Variants in LEKR1 observed in about 807,000 individuals in gnomAD.
LEKR1 encodes the protein leucine, glutamate and lysine rich 1, also known as protein LEKR1.
Under a neutral mutation model 72.4 loss-of-function variants are expected in LEKR1, and 59 were observed. The observed-to-expected ratio is 0.82, with a 90% CI of 0.66 to 1.01. LEKR1 has a LOEUF of 1.01. Ranked by LOEUF, LEKR1 falls within the 50% of genes least tolerant of loss-of-function variation. LEKR1 has a pLI of 0.00. For missense variants in LEKR1, 728 were observed against 759.2 expected, an observed-to-expected ratio of 0.96 and a Z score of 0.48; for synonymous variants, 257 against 263.2, an observed-to-expected ratio of 0.98 and a Z score of 0.23.
At chr3:156,968,569 T>C (rs1728846430) in intron 6 of LEKR1, among the ~76,000 whole-genome samples, 1 of 152,136 alleles carries the variant, frequency 6.6e-6, no homozygotes, top group African/African-American at 2.4e-5. Context: ...CAAGAAGAGC[T>C]AACTATCCTA....
At chr3:156,918,357 C>T (rs1723856818) in intron 3 of LEKR1, among the ~76,000 whole-genome samples, 1 of 152,054 alleles carries the variant, frequency 6.6e-6, no homozygotes, top group South Asian at 2.1e-4. Flanking sequence ...TAAGTATGGC[C>T]ATGTATCTAA....
chr3:157,043,548 A>T (rs1232478347), intron 12 of LEKR1, among the ~76,000 whole-genome samples: 1 of 152,160 alleles, frequency 6.6e-6, no homozygotes, highest in African/African-American at 2.4e-5. Flanking sequence ...AGCATGGAGC[A>T]GGTCTCTGAA....
intron 3 of LEKR1, among the ~76,000 whole-genome samples, chr3:156,878,100 C>G (rs1032163625): frequency 6.8e-6 from 1 of 148,146 alleles, no homozygotes; most frequent in African/African-American, 2.5e-5. Context: ...ATCTTTTTTA[C>G]TTTTTTTTTT....
At chr3:156,874,101 A>T (rs1309077938) in intron 3 of LEKR1, among the ~76,000 whole-genome samples, 1 of 151,782 alleles carries the variant, frequency 6.6e-6, no homozygotes, top group Admixed American at 6.6e-5. Context: ...TAATCCATTC[A>T]TTTTCTGTTG....
chr3:157,042,475 A>C (rs1035158510), intron 12 of LEKR1, among the ~76,000 whole-genome samples: 2 of 152,166 alleles, frequency 1.3e-5, no homozygotes, highest in Admixed American at 6.5e-5. Flanking sequence ...ATGGGTGCAC[A>C]GTTCAGCTTA....
At chr3:157,009,261 A>G (rs1034840441) in intron 9 of LEKR1, among the ~76,000 whole-genome samples, 1 of 152,162 alleles carries the variant, frequency 6.6e-6, no homozygotes, top group Non-Finnish European at 1.5e-5. Flanking sequence ...TTATTTAAAT[A>G]TGTAATTGTC....
chr3:156,831,859 A>G (rs62273906), intron 2 of LEKR1, among the ~76,000 whole-genome samples: 4,758 of 152,282 alleles, frequency 0.031, 109 homozygotes, highest in Non-Finnish European at 0.047. Context: ...GGCAGTTTGG[A>G]GGTTAAAGGC....
In LEKR1 at chr3:156,875,249, T is replaced by C. The variant is rs370254625; in HGVS notation, c.263+22267T>C. Among the ~76,000 whole-genome samples the C allele has an allele frequency of 1.8e-4, 27 of 152,302 alleles. No individual in the cohort carries two copies. The South Asian group carries it at 5.6e-3, about 32-fold the overall frequency. ...CTATCAGGAATAATATGGTATCACA[T>C]TGTGATTTTGTGTTTCCCTGATAAT... On this transcript the variant is annotated intron_variant, in intron 3 of 12. Coordinates refer to ENST00000356539, the MANE Select transcript of LEKR1 (RefSeq NM_001004316.3).
chr3:156,997,753 C>T lies in LEKR1; in HGVS notation c.1109+4476C>T, dbSNP rs140151101. On this transcript the variant is annotated intron_variant, in intron 9 of 12. Transcript: ENST00000356539. ...CTGTGTATTTCAGAAGAGAAGAAAA[C>T]GATGTAAAAAGCCAGAGGTGACCCT... Among the ~76,000 whole-genome samples, 567 of 152,192 alleles carry T rather than the reference C, an allele frequency of 3.7e-3. 2 individuals carry two copies. Among genetic ancestry groups the T allele is most frequent in the African/African-American group, 0.012 (509 of 41,526 alleles).
At chr3:156,927,626 T>C in intron 5 of LEKR1, 22 bp downstream of exon 5, 1 of 1,060,788 alleles carries the variant, frequency 9.4e-7, no homozygotes, top group Non-Finnish European at 1.2e-6. Flanking sequence ...ATATTTAGAA[T>C]ATAATTGTCC....
chr3:156,965,989 T>C (rs1284204124), intron 6 of LEKR1, among the ~76,000 whole-genome samples: 1 of 152,218 alleles, frequency 6.6e-6, no homozygotes, highest in Non-Finnish European at 1.5e-5. Context: ...GTATAAATTA[T>C]ATCTAATGCA....
chr3:156,846,663 A>G (rs1209954163), intron 2 of LEKR1, among the ~76,000 whole-genome samples: 2 of 152,186 alleles, frequency 1.3e-5, no homozygotes, highest in African/African-American at 2.4e-5. Context: ...GAGTAAGGGC[A>G]TCTTACTGAA....
chr3:156,845,149 T>C (rs1359588314), intron 2 of LEKR1, among the ~76,000 whole-genome samples: 3 of 152,062 alleles, frequency 2.0e-5, no homozygotes, highest in African/African-American at 7.2e-5. Context: ...TATCCTCTTA[T>C]GTGAAAGGTC....
intron 2 of LEKR1, among the ~76,000 whole-genome samples, chr3:156,829,860 A>T (rs1368900303): frequency 2.0e-5 from 3 of 152,162 alleles, no homozygotes; most frequent in Non-Finnish European, 4.4e-5. Flanking sequence ...AAGATTTGGA[A>T]TGGTTTGAAA....
intron 9 of LEKR1, among the ~76,000 whole-genome samples, chr3:157,004,349 C>G (rs770303840): frequency 6.6e-6 from 1 of 152,034 alleles, no homozygotes; most frequent in Admixed American, 6.5e-5. Context: ...GATGGAATTC[C>G]AAGAAGTAGG....
At chr3:157,042,827 C>T (rs1401037333) in intron 12 of LEKR1, among the ~76,000 whole-genome samples, 1 of 152,096 alleles carries the variant, frequency 6.6e-6, no homozygotes, top group Non-Finnish European at 1.5e-5. Context: ...AAAATTAACT[C>T]TTTCTCATTG....
At chr3:156,923,480 C>T (rs980745499) in intron 4 of LEKR1, among the ~76,000 whole-genome samples, 1 of 152,214 alleles carries the variant, frequency 6.6e-6, no homozygotes, top group Non-Finnish European at 1.5e-5. Flanking sequence ...GAGGTTCACT[C>T]ATGTTGTGGC....
intron 3 of LEKR1, among the ~76,000 whole-genome samples, chr3:156,886,736 A>G (rs892145182): frequency 2.0e-4 from 30 of 152,186 alleles, no homozygotes; most frequent in African/African-American, 7.2e-4. Flanking sequence ...GGGGATGTGT[A>G]TTTGGAAGTA....
chr3:157,023,381 T>C (rs1249028126), intron 10 of LEKR1, among the ~76,000 whole-genome samples: 2 of 152,186 alleles, frequency 1.3e-5, no homozygotes, highest in African/African-American at 4.8e-5. Flanking sequence ...GAGAGAGATG[T>C]TGGCTCAACT....
Sources: allele counts gnomAD v4.1 joint callset (sites outside exome capture counted in the v4.1 genomes callset), GRCh38; gene constraint gnomAD v4.1.1; transcripts MANE v1.5; gene names NCBI Gene and HGNC (gene_info 2026-07-23, HGNC 2026-07-21).